Variants in APCDD1L observed in about 807,000 individuals in gnomAD.
APCDD1L encodes APC down-regulated 1 like, also known as protein APCDD1-like.
APCDD1L carries 21 observed loss-of-function variants against 24.2 expected under a neutral mutation model. The observed-to-expected ratio is 0.87, with a 90% confidence interval of 0.61 to 1.25. APCDD1L has a LOEUF of 1.25. Ranked by LOEUF, APCDD1L falls within the 50% of genes most tolerant of loss-of-function variation. The pLI is 0.00. For missense variants in APCDD1L, 704 were observed against 711.7 expected, an observed-to-expected ratio of 0.99 and a Z score of 0.12; for synonymous variants, 321 against 323.6, an observed-to-expected ratio of 0.99 and a Z score of 0.09.
At position 58,461,646 on chromosome 20, in the gene APCDD1L, A is replaced by G; in HGVS notation, c.742-92T>C. On this transcript the variant is annotated intron_variant, in intron 3 of 3. Coordinates refer to ENST00000371149, the MANE Select transcript of APCDD1L (RefSeq NM_153360.3). The surrounding 1 kb of genome is among the most constrained non-coding windows in gnomAD (Gnocchi z 6.0). ...GGAACCCCAGCTCTGTAGGGGTGTC[A>G]AGGCAGGGTGAGGTGCGGCCTGTCC... The G allele has an allele frequency of 7.8e-7, 1 of 1,287,150 alleles. No homozygotes were observed. Among genetic ancestry groups the G allele is most frequent in the Non-Finnish European group, 1.0e-6 (1 of 1,000,722 alleles). 79.7% of individuals were successfully genotyped at this position (1,287,150 alleles called of 1,614,324 possible).
chr20:58,499,490 A>G (rs888287048), intron 1 of APCDD1L, among the ~76,000 whole-genome samples: 4 of 152,176 alleles, frequency 2.6e-5, no homozygotes, highest in Non-Finnish European at 5.9e-5. Flanking sequence ...TTCTCATGCC[A>G]GCCTTACCTC....
intron 1 of APCDD1L, among the ~76,000 whole-genome samples, chr20:58,495,670 G>A (rs1990307854): frequency 6.6e-6 from 1 of 152,294 alleles, no homozygotes; most frequent in East Asian, 1.9e-4. Flanking sequence ...CTGTCGCGGG[G>A]TCAGAGACAT....
chr20:58,503,207 C>T (rs143515915), intron 1 of APCDD1L, among the ~76,000 whole-genome samples: 472 of 152,248 alleles, frequency 3.1e-3, no homozygotes, highest in African/African-American at 0.011. Context: ...TGATTTCCTG[C>T]GAGAGGCAGA....
intron 1 of APCDD1L, among the ~76,000 whole-genome samples, chr20:58,513,623 C>T (rs1448220204): frequency 2.6e-5 from 4 of 152,192 alleles, no homozygotes; most frequent in Non-Finnish European, 5.9e-5. Context: ...TGTGGGACCG[C>T]GCAGCCCCTC....
In APCDD1L at chr20:58,461,867, G is replaced by A. The variant is rs531467614; in HGVS notation, c.742-313C>T. The A allele has an allele frequency of 1.8e-4, 56 of 319,516 alleles. No homozygotes were observed. The highest frequency in any genetic ancestry group is 1.0e-3 in the African/African-American group (48 of 46,922). 19.8% of individuals were successfully genotyped at this position (319,516 alleles called of 1,614,324 possible). A position where few individuals can be genotyped will look rare whatever the true frequency, so the allele number is the denominator to read the frequency against. ...GCTGGGCACCAGAGAGAGCTTTCCC[G>A]AATGCCCCATGTAAGGTGGGCCTCA... On this transcript the variant is annotated intron_variant, in intron 3 of 3. Transcript: ENST00000371149. This position sits in a 1 kb window ranked among gnomAD's most constrained non-coding sequence, Gnocchi z 6.0.
At chr20:58,485,085 T>A (rs1482985594) in intron 1 of APCDD1L, among the ~76,000 whole-genome samples, 1 of 152,196 alleles carries the variant, frequency 6.6e-6, no homozygotes, top group Non-Finnish European at 1.5e-5. Flanking sequence ...TATTCCATTA[T>A]TTAGATGAAT....
rs149764499 is a variant in APCDD1L at position 58,508,993 on chromosome 20, C to CGTGTGT, written c.49+5660_49+5665dup. Reference sequence around the variant, plus strand: ...GCGCACGTGTGTGTGCATGTGCATGCGTGTGTGTGTGTGTGTGTGTGTGTG... The same window carrying CGTGTGT: ...GCGCACGTGTGTGTGCATGTGCATGCGTGTGTGTGTGTGTGTGTGTGTGTGTGTGTG... On this transcript the variant is annotated intron_variant, in intron 1 of 3. Coordinates refer to ENST00000371149, the MANE Select transcript of APCDD1L (RefSeq NM_153360.3). The surrounding 1 kb of genome is among the most constrained non-coding windows in gnomAD (Gnocchi z 4.0). Among the ~76,000 whole-genome samples the CGTGTGT allele has an allele frequency of 9.0e-3, 1,349 of 149,414 alleles. 15 individuals carry two copies. Among genetic ancestry groups the CGTGTGT allele is most frequent in the African/African-American group, 0.025 (1,002 of 40,784 alleles).
chr20:58,496,832 G>C (rs1990331860), intron 1 of APCDD1L, among the ~76,000 whole-genome samples: 1 of 152,112 alleles, frequency 6.6e-6, no homozygotes, highest in African/African-American at 2.4e-5. Context: ...CCGAGGGGAT[G>C]CCCCTGAGGG....
intron 1 of APCDD1L, among the ~76,000 whole-genome samples, chr20:58,490,037 C>A (rs1002950617): frequency 6.6e-6 from 1 of 152,036 alleles, no homozygotes; most frequent in Admixed American, 6.5e-5. Flanking sequence ...TAATGTTTTC[C>A]TACATGTTTT....
intron 1 of APCDD1L, among the ~76,000 whole-genome samples, chr20:58,492,032 G>A (rs890946736): frequency 2.6e-5 from 4 of 152,140 alleles, no homozygotes; most frequent in African/African-American, 4.8e-5. Flanking sequence ...AAAAGAAGTC[G>A]GTTCATACCC....
rs1357497079 is a variant in APCDD1L, at chr20:58,467,075, C to G, written c.741+31G>C. On this transcript the variant is annotated intron_variant, in intron 3 of 3. Coordinates refer to ENST00000371149, the MANE Select transcript of APCDD1L (RefSeq NM_153360.3). This position sits in a 1 kb window ranked among gnomAD's most constrained non-coding sequence, Gnocchi z 5.9. ...GCTCGCCTCCCCGAGACCACCACCC[C>G]CCTCTCCCACACCCCAACACACACA... The G allele has an allele frequency of 4.5e-6, 7 of 1,562,358 alleles. No homozygotes were observed. The highest frequency in any genetic ancestry group is 2.4e-5 in the East Asian group (1 of 41,588).
At chr20:58,489,383 A>G (rs559305056) in intron 1 of APCDD1L, among the ~76,000 whole-genome samples, 21 of 152,050 alleles carry the variant, frequency 1.4e-4, no homozygotes, top group African/African-American at 4.8e-4. Flanking sequence ...TACAAAAAAT[A>G]AAAACAAAAA....
intron 1 of APCDD1L, among the ~76,000 whole-genome samples, chr20:58,505,157 C>G (rs1403476097): frequency 6.6e-6 from 1 of 152,140 alleles, no homozygotes; most frequent in Non-Finnish European, 1.5e-5. Context: ...AAAAAGGATG[C>G]CTCCTCCATG....
At position 58,461,603 on chromosome 20, in the gene APCDD1L, T is replaced by C. The variant is rs1388504929; in HGVS notation, c.742-49A>G. Reference sequence around the variant, plus strand: ...CGGTGGTTGTCCCACATAGAGAAGTTGGGGTGCAGCCTGGAAAGGAACCCC... The same window carrying C: ...CGGTGGTTGTCCCACATAGAGAAGTCGGGGTGCAGCCTGGAAAGGAACCCC... On this transcript the variant is annotated intron_variant, in intron 3 of 3. Coordinates refer to ENST00000371149, the MANE Select transcript of APCDD1L (RefSeq NM_153360.3). This position sits in a 1 kb window ranked among gnomAD's most constrained non-coding sequence, Gnocchi z 6.0. 4 of 1,388,040 alleles carry C rather than the reference T, an allele frequency of 2.9e-6. No homozygotes were observed. The South Asian group carries it at 5.8e-5, about 20-fold the overall frequency. 86.0% of individuals were successfully genotyped at this position (1,388,040 alleles called of 1,614,324 possible).
intron 1 of APCDD1L, among the ~76,000 whole-genome samples, chr20:58,513,030 T>C (rs1166536144): frequency 6.6e-6 from 1 of 152,192 alleles, no homozygotes; most frequent in African/African-American, 2.4e-5. Context: ...CTCACAGTGA[T>C]TTCATTGGCA....
Position 58,467,143 on chromosome 20 carries a change from C to T in APCDD1L, c.704G>A (p.Arg235Gln), listed in dbSNP as rs1481985307. Residue 235 changes from arginine (R) to glutamine (Q), a missense_variant, in exon 3 of 4, where the codon CGG becomes CAG. Transcript: ENST00000371149. This position sits in a 1 kb window ranked among gnomAD's most constrained non-coding sequence, Gnocchi z 5.9. ...CAGCGGGCGCTGGTAGCCCGTGGGC[C>T]GGTAGTGCCGCCTCTCCGCCGGGTC... ...HTDPAERRHY[R>Q]PTGYQRPLQS... The T allele has an allele frequency of 1.2e-6, 2 of 1,608,124 alleles. No individual in the cohort carries two copies. Among genetic ancestry groups the T allele is most frequent in the South Asian group, 2.2e-5 (2 of 91,026 alleles).
At chr20:58,496,374 A>G (rs754252144) in intron 1 of APCDD1L, among the ~76,000 whole-genome samples, 1 of 152,234 alleles carries the variant, frequency 6.6e-6, no homozygotes, top group African/African-American at 2.4e-5. Flanking sequence ...TTGTGGCCCA[A>G]TGAGACAGCC....
At chr20:58,511,124 A>G (rs1268688372) in intron 1 of APCDD1L, among the ~76,000 whole-genome samples, 3 of 152,046 alleles carry the variant, frequency 2.0e-5, no homozygotes, top group Non-Finnish European at 2.9e-5. Flanking sequence ...TTCCCAACAC[A>G]CTGATTGGGC....
chr20:58,493,692 G>GA (rs1190988084), intron 1 of APCDD1L, among the ~76,000 whole-genome samples: 25 of 150,448 alleles, frequency 1.7e-4, no homozygotes, highest in Admixed American at 6.6e-4. Flanking sequence ...CCTGTACCCT[G>GA]AAAAAAAAAC....
Sources: gnomAD v4.1 joint callset for allele counts (sites outside exome capture counted in the v4.1 genomes callset) on GRCh38, gnomAD v4.1.1 for gene constraint, Gnocchi (gnomAD v3.1) non-coding constraint, MANE v1.5 for transcripts, NCBI Gene and HGNC (gene_info 2026-07-23, HGNC 2026-07-21) for gene names.